The following SYTL2 variants were observed in gnomAD, a reference collection of about 807,000 sequenced individuals.
SYTL2 encodes synaptotagmin-like protein 2.
In SYTL2, 165 loss-of-function variants were observed where a neutral mutation model predicts 198.7. The observed-to-expected ratio is 0.83, with a 90% CI of 0.73 to 0.94. The LOEUF is 0.94. Ranked by LOEUF, SYTL2 falls within the 40% of genes least tolerant of loss-of-function variation. SYTL2 has a pLI of 0.00. For missense variants in SYTL2, 2,835 were observed against 2,582.8 expected, an observed-to-expected ratio of 1.10 and a Z score of -2.12; for synonymous variants, 966 against 917.7, an observed-to-expected ratio of 1.05 and a Z score of -0.95.
chr11:85,837,565 C>T, the SYTL2 span, among the ~76,000 whole-genome samples: 1 of 152,142 alleles, frequency 6.6e-6, no homozygotes, highest in African/African-American at 2.4e-5. Flanking sequence ...CCGAATACAT[C>T]CTTTTTAAGT....
chr11:85,701,086 A>G (rs1458055324), intron 16 of SYTL2, among the ~76,000 whole-genome samples: 3 of 152,234 alleles, frequency 2.0e-5, no homozygotes, highest in African/African-American at 7.2e-5. Context: ...GTCTGTAAGT[A>G]TAACAAAGAC....
chr11:85,827,836 T>C, the SYTL2 span, among the ~76,000 whole-genome samples: 1 of 152,202 alleles, frequency 6.6e-6, no homozygotes, highest in Non-Finnish European at 1.5e-5. Context: ...AGTACAACAG[T>C]GTTAGGTTGA....
At chr11:85,713,621 G>T (rs544956159) in intron 12 of SYTL2, among the ~76,000 whole-genome samples, 29 of 152,290 alleles carry the variant, frequency 1.9e-4, no homozygotes, top group African/African-American at 6.7e-4. Flanking sequence ...GTAGCTATTG[G>T]ATTTGGGGAA....
chr11:85,728,008 G>C, intron 7 of SYTL2, 41 bp from the exon 8 acceptor site: 1 of 1,498,924 alleles, frequency 6.7e-7, no homozygotes, highest in Non-Finnish European at 9.0e-7. Context: ...AAAAGAGCAT[G>C]CTTAAAGAAC....
At chr11:85,827,914 G>A in the SYTL2 span, among the ~76,000 whole-genome samples, 1 of 152,218 alleles carries the variant, frequency 6.6e-6, no homozygotes, top group African/African-American at 2.4e-5. Context: ...AAAGTTGCTA[G>A]GCAACCTCAA....
intron 17 of SYTL2, among the ~76,000 whole-genome samples, chr11:85,700,040 T>G (rs1176249223): frequency 1.3e-5 from 2 of 152,124 alleles, no homozygotes; most frequent in Non-Finnish European, 2.9e-5. Context: ...TACAGGCCAT[T>G]CACATTGTGC....
chr11:85,852,131 G>C, the SYTL2 span, among the ~76,000 whole-genome samples: 9 of 152,130 alleles, frequency 5.9e-5, no homozygotes, highest in Non-Finnish European at 1.3e-4. Flanking sequence ...TTCCCTTCAA[G>C]TTCTTAATAC....
chr11:85,746,589 C>T lies in SYTL2; in HGVS notation c.254-817G>A, dbSNP rs1028309060. The stretch of plus-strand genomic sequence containing the variant: ...AGCCAGTAAGTGCCCAGAATACTTT[C>T]ATCAATATTAGGATGAAGCAGTGCT... On this transcript the variant is annotated intron_variant, in intron 3 of 19. Transcript: ENST00000359152. Among the ~76,000 whole-genome samples, 2 of 152,318 alleles carry T rather than the reference C, an allele frequency of 1.3e-5. 1 individual carries two copies. Among genetic ancestry groups the T allele is most frequent in the Middle Eastern group, 6.8e-3 (2 of 294 alleles).
chr11:85,833,753 CAG>C, the SYTL2 span, among the ~76,000 whole-genome samples: 1 of 127,100 alleles, frequency 7.9e-6, no homozygotes, highest in East Asian at 2.2e-4. Context: ...TTTTTTGAGA[CAG>C]AGTCTCACTC....
chr11:85,700,917 A>G lies in SYTL2; in HGVS notation c.6190-324T>C, dbSNP rs188160451. Among the ~76,000 whole-genome samples the G allele has an allele frequency of 3.9e-3, 589 of 152,280 alleles. 4 individuals carry two copies. Among genetic ancestry groups the G allele is most frequent in the African/African-American group, 0.013 (560 of 41,554 alleles). ...ATGCTTTAATTTTGATCAAAACACA[A>G]ATATTTTGTTAGCTATTCAGCCAGC... On this transcript the variant is annotated intron_variant, in intron 16 of 19. Coordinates refer to ENST00000359152, the MANE Select transcript of SYTL2 (RefSeq NM_206927.4).
intron 7 of SYTL2, among the ~76,000 whole-genome samples, chr11:85,731,315 G>A (rs917831874): frequency 3.3e-4 from 50 of 152,096 alleles, no homozygotes; most frequent in Admixed American, 8.5e-4. Context: ...GAGGCATCAC[G>A]CTACCTGACT....
intron 1 of SYTL2, among the ~76,000 whole-genome samples, chr11:85,772,424 A>G (rs1348835769): frequency 6.6e-6 from 1 of 152,212 alleles, no homozygotes; most frequent in Non-Finnish European, 1.5e-5. Context: ...CTTGCTATCT[A>G]TGAAGTCCTA....
Position 85,754,181 on chromosome 11 carries a change from A to G in SYTL2, c.101+3444T>C, listed in dbSNP as rs117496723. Among the ~76,000 whole-genome samples, 253 of 152,324 alleles carry G rather than the reference A, an allele frequency of 1.7e-3. 3 individuals are homozygous for G. In the East Asian group the frequency reaches 0.04, roughly 24 times the overall value. ...TGTAAAGTCATGTTAGGGAAACAAA[A>G]TTGAGATTTTAAATTTGCAACTGAT... is the stretch of plus-strand genomic sequence containing the variant. On this transcript the variant is annotated intron_variant, in intron 2 of 19. Transcript: ENST00000359152.
At chr11:85,853,795 TAAA>T in the SYTL2 span, 1 of 149,938 alleles carries the variant, frequency 6.7e-6, no homozygotes, top group South Asian at 2.1e-4. Flanking sequence ...GTCAGGAAAA[TAAA>T]AAAATCTCGT....
chr11:85,733,845 C>T (rs557986652), intron 7 of SYTL2, 94 bp downstream of exon 7: 18 of 939,254 alleles, frequency 1.9e-5, no homozygotes, highest in East Asian at 9.6e-5. Flanking sequence ...ATGATCCACC[C>T]GCCTCGGCCT....
the SYTL2 span, among the ~76,000 whole-genome samples, chr11:85,839,249 T>C: frequency 6.6e-6 from 1 of 152,248 alleles, no homozygotes; most frequent in East Asian, 1.9e-4. Context: ...GTAGTCACTC[T>C]GTTTTGCTAT....
chr11:85,708,229 C>T, intron 14 of SYTL2: 1 of 349,470 alleles, frequency 2.9e-6, no homozygotes. Flanking sequence ...GTTTGTTCCC[C>T]TCTGAGAAAA....
Position 85,727,403 on chromosome 11 carries a change from T to A in SYTL2, c.1955A>T (p.Asp652Val). ...ATTCCCTTTTCCTGGGCTTTTTGAA[T>A]CTTGGCTATAGTCCATATTTTTACT... ...QGSKNMDYSQ[D>V]SKSPGKGNGA... The change falls in exon 8 of 20, where the codon GAT becomes GTT. Residue 652 changes from aspartate (D) to valine (V), a missense_variant. Asp to Val is a radical substitution (Grantham distance 152, BLOSUM62 -3). Transcript: ENST00000359152. 1.3e-6 allele frequency: 2 copies of A among 1,536,392 alleles called. No homozygotes were observed. Among genetic ancestry groups the A allele is most frequent in the Non-Finnish European group, 1.7e-6 (2 of 1,146,942 alleles).
rs555591758 is a variant in SYTL2, at chr11:85,762,083, T to C, written c.-389-3969A>G. ...TGTGTCAGAATAAGCCAACCCAACATTGACATTTCATTTAATTCTTCTCTT... is the reference window on the plus strand; with the variant it reads ...TGTGTCAGAATAAGCCAACCCAACACTGACATTTCATTTAATTCTTCTCTT... On this transcript the variant is annotated intron_variant, in intron 1 of 19. Coordinates refer to ENST00000359152, the MANE Select transcript of SYTL2 (RefSeq NM_206927.4). Among the ~76,000 whole-genome samples, 69 of 152,298 alleles carry C rather than the reference T, an allele frequency of 4.5e-4. 2 individuals carry two copies. The South Asian group carries it at 0.013, about 28-fold the overall frequency.
Sources: allele counts gnomAD v4.1 joint callset (sites outside exome capture counted in the v4.1 genomes callset), GRCh38; gene constraint gnomAD v4.1.1; transcripts MANE v1.5; gene names NCBI Gene and HGNC (gene_info 2026-07-23, HGNC 2026-07-21).